SMAD7: variants seen among roughly 807,000 people sequenced by gnomAD.
SMAD7 encodes the protein MAD (mothers against decapentaplegic, Drosophila) homolog 7.
In SMAD7, 8 loss-of-function variants were observed where a neutral mutation model predicts 38.7. The observed-to-expected ratio is 0.21, with a 90% CI of 0.12 to 0.37. The LOEUF (loss-of-function observed/expected upper bound fraction) is 0.37. Ranked by LOEUF, SMAD7 falls within the 10% of genes least tolerant of loss-of-function variation. The pLI is 1.00. For synonymous variants in SMAD7, 327 were observed against 265.1 expected (o/e 1.23, Z -2.27); for missense variants, 477 against 577.9 (o/e 0.83, Z 1.79).
At chr18:48,928,278 G>A (rs2069952807) in intron 3 of SMAD7, among the ~76,000 whole-genome samples, 1 of 152,188 alleles carries the variant, frequency 6.6e-6, no homozygotes, top group South Asian at 2.1e-4. Context: ...CTGATTCTCA[G>A]TATTAAACAA....
In SMAD7 at chr18:48,921,745, G is replaced by C. The variant is rs1271258535; in HGVS notation, c.908C>G (p.Ser303Trp). ...GNGFCLGQLNSDNKSQLVQKV... is the reference protein window; with the variant it reads ...GNGFCLGQLNWDNKSQLVQKV... ...CTGCACCAGCTGACTCTTGTTGTCC[G>C]AATTGAGCTGTCCGAGGCAAAAGCC... Residue 303 changes from serine to tryptophan, a missense_variant, in exon 4 of 4, where the codon TCG (serine) becomes TGG (tryptophan). Coordinates refer to ENST00000262158, the MANE Select transcript of SMAD7 (RefSeq NM_005904.4). The surrounding 1 kb of genome is among the most constrained non-coding windows in gnomAD (Gnocchi z 6.4). The C allele has an allele frequency of 1.2e-6, 2 of 1,614,130 alleles. No homozygotes were observed. Among genetic ancestry groups the C allele is most frequent in the Non-Finnish European group, 8.5e-7 (1 of 1,180,030 alleles).
At chr18:48,936,704 C>T (rs2070071439) in intron 3 of SMAD7, among the ~76,000 whole-genome samples, 1 of 152,128 alleles carries the variant, frequency 6.6e-6, no homozygotes, top group Non-Finnish European at 1.5e-5. Context: ...GCTCCGAGTT[C>T]AAGGCCTGGA....
intron 3 of SMAD7, among the ~76,000 whole-genome samples, chr18:48,936,102 ACACACACACACACAC>A (rs1242228709): frequency 0.1 from 3,664 of 36,592 alleles, 134 homozygotes; most frequent in East Asian, 0.36. Context: ...ACACACACAC[ACACACACACACACAC>A]CACACACACA....
chr18:48,939,932 C>T (rs1302929492), intron 3 of SMAD7, among the ~76,000 whole-genome samples: 2 of 151,646 alleles, frequency 1.3e-5, no homozygotes, highest in East Asian at 1.9e-4. Flanking sequence ...CACACCCAGG[C>T]CACCCCCCAT....
At chr18:48,949,676 G>GA (rs2070237930) in intron 1 of SMAD7, 136 bp downstream of exon 1, 3 of 923,642 alleles carry the variant, frequency 3.2e-6, no homozygotes, top group Non-Finnish European at 3.1e-6. Context: ...ACTCTCCCAG[G>GA]AGGGTATGCA....
chr18:48,921,867 G>A lies in SMAD7; in HGVS notation c.786C>T (p.Cys262=), dbSNP rs775489297. 17 of 1,612,312 alleles carry A rather than the reference G, an allele frequency of 1.1e-5. No homozygotes were observed. Among genetic ancestry groups the A allele is most frequent in the Admixed American group, 1.7e-5 (1 of 59,932 alleles). Residue 262 remains cysteine, a synonymous_variant, in exon 4 of 4, where the codon TGC becomes TGT. Transcript: ENST00000262158. The surrounding 1 kb of genome is among the most constrained non-coding windows in gnomAD (Gnocchi z 6.4). ...TCTTCTCCTCCCAGTATGCCACCACGCACCAGTGTGACCGATCCCCAGGCT... is the reference window on the plus strand; with the variant it reads ...TCTTCTCCTCCCAGTATGCCACCACACACCAGTGTGACCGATCCCCAGGCT... ...LLEPGDRSHW[C]VVAYWEEKTR...
At chr18:48,937,264 ATGTGTGTGTGTGTGTGTG>A (rs71165354) in intron 3 of SMAD7, among the ~76,000 whole-genome samples, 6 of 119,778 alleles carry the variant, frequency 5.0e-5, no homozygotes, top group African/African-American at 1.0e-4. Context: ...AAGTAAAGGC[ATGTGTGTGTGTGTGTGTG>A]TGTGTGTGTG....
At chr18:48,924,347 GGACCTGAGATC>G (rs1342821026) in intron 3 of SMAD7, among the ~76,000 whole-genome samples, 1 of 152,132 alleles carries the variant, frequency 6.6e-6, no homozygotes, top group Admixed American at 6.5e-5. Context: ...AGTGGAGTAT[GGACCTGAGATC>G]GAGGTGCCCC....
rs9949910 is a variant in SMAD7 at position 48,932,894 on chromosome 18, C to G, written c.742+9587G>C. Among the ~76,000 whole-genome samples the G allele has an allele frequency of 2.6e-5, 4 of 152,192 alleles. No individual in the cohort carries two copies. The East Asian group carries it at 7.7e-4, about 29-fold the overall frequency. On this transcript the variant is annotated intron_variant, in intron 3 of 3. Coordinates refer to ENST00000262158, the MANE Select transcript of SMAD7 (RefSeq NM_005904.4). ...CCTGGGCTTTGAAAACATCCCACTT[C>G]TCCTCTGGCTGTCAAGACATTAGAT...
chr18:48,925,232 C>A (rs1231670937), intron 3 of SMAD7, among the ~76,000 whole-genome samples: 2 of 152,202 alleles, frequency 1.3e-5, no homozygotes, highest in Non-Finnish European at 2.9e-5. Flanking sequence ...ACAAACTTCT[C>A]CCCCTCCCCA....
At chr18:48,928,923 G>T (rs945292436) in intron 3 of SMAD7, among the ~76,000 whole-genome samples, 1 of 152,130 alleles carries the variant, frequency 6.6e-6, no homozygotes, top group African/African-American at 2.4e-5. Flanking sequence ...TCGCCAGTCA[G>T]GCTGACGCGG....
chr18:48,944,959 C>T (rs2070180033), intron 2 of SMAD7, among the ~76,000 whole-genome samples: 1 of 148,742 alleles, frequency 6.7e-6, no homozygotes, highest in South Asian at 2.1e-4. Flanking sequence ...AAAACCCAAC[C>T]CTGGGGAGCA....
Position 48,921,555 on chromosome 18 carries a change from G to A in SMAD7, c.1098C>T (p.Ile366=). 1 of 1,614,262 alleles carries A rather than the reference G, an allele frequency of 6.2e-7. No homozygotes were observed. Residue 366 remains isoleucine, a synonymous_variant, in exon 4 of 4, where the codon ATC becomes ATT. Transcript: ENST00000262158. This position sits in a 1 kb window ranked among gnomAD's most constrained non-coding sequence, Gnocchi z 6.4. ...LVHKVFPGFS[I]KAFDYEKAYS... is the part of the protein sequence containing the mutation. ...ACGCCTTCTCGTAGTCGAAAGCCTT[G>A]ATGGAGAAACCGGGGAACACCTTGT...
intron 3 of SMAD7, among the ~76,000 whole-genome samples, chr18:48,933,314 G>A (rs1033188257): frequency 1.3e-5 from 2 of 152,010 alleles, no homozygotes; most frequent in Non-Finnish European, 2.9e-5. Context: ...AGCTGCCCCT[G>A]CCTGCCTCCA....
intron 3 of SMAD7, among the ~76,000 whole-genome samples, chr18:48,937,358 C>T (rs2070082199): frequency 1.3e-5 from 2 of 150,358 alleles, no homozygotes; most frequent in Non-Finnish European, 1.5e-5. Flanking sequence ...AGTGACACCA[C>T]CCAAAGCCTG....
chr18:48,945,062 C>A (rs1330476163), intron 2 of SMAD7, among the ~76,000 whole-genome samples: 5 of 152,186 alleles, frequency 3.3e-5, no homozygotes, highest in Non-Finnish European at 5.9e-5. Flanking sequence ...TTCCTAAGTA[C>A]TGTTAAAGAC....
intron 3 of SMAD7, among the ~76,000 whole-genome samples, chr18:48,926,993 C>G (rs2069936331): frequency 6.6e-6 from 1 of 152,166 alleles, no homozygotes; most frequent in Non-Finnish European, 1.5e-5. Context: ...GCGAATCCCT[C>G]CCCCAAATAG....
Position 48,921,934 on chromosome 18 carries a change from G to T in SMAD7, c.743-24C>A. 1 of 1,562,802 alleles carries T rather than the reference G, an allele frequency of 6.4e-7. No individual in the cohort carries two copies. Among genetic ancestry groups the T allele is most frequent in the Non-Finnish European group, 8.6e-7 (1 of 1,160,012 alleles). ...ATCTAGAAAACACATTGGCAGAGAGGGTTAGTGGGGACAGGCATTGGTGAC... is the reference window on the plus strand; with the variant it reads ...ATCTAGAAAACACATTGGCAGAGAGTGTTAGTGGGGACAGGCATTGGTGAC... On this transcript the variant is annotated intron_variant, in intron 3 of 3. Transcript: ENST00000262158. The surrounding 1 kb of genome is among the most constrained non-coding windows in gnomAD (Gnocchi z 6.4).
Position 48,921,774 on chromosome 18 carries a change from C to T in SMAD7, c.879G>A (p.Gly293=). The change falls in exon 4 of 4, where the codon GGG becomes GGA. Residue 293 remains glycine, a synonymous_variant. Coordinates refer to ENST00000262158, the MANE Select transcript of SMAD7 (RefSeq NM_005904.4). The surrounding 1 kb of genome is among the most constrained non-coding windows in gnomAD (Gnocchi z 6.4). ...TGAGCTGTCCGAGGCAAAAGCCATT[C>T]CCCTGAGGTAGATCATAGAAGATAT... ...SLDIFYDLPQ[G]NGFCLGQLNS... 2 of 1,614,174 alleles carry T rather than the reference C, an allele frequency of 1.2e-6. No homozygotes were observed. The highest frequency in any genetic ancestry group is 1.7e-6 in the Non-Finnish European group (2 of 1,180,038).
Sources: allele counts gnomAD v4.1 joint callset (sites outside exome capture counted in the v4.1 genomes callset), GRCh38; gene constraint gnomAD v4.1.1; non-coding constraint Gnocchi (gnomAD v3.1); transcripts MANE v1.5; gene names NCBI Gene and HGNC (gene_info 2026-07-23, HGNC 2026-07-21).